Variants in OSBPL6 observed in about 807,000 individuals in gnomAD.
OSBPL6 encodes oxysterol binding protein like 6, also known as oxysterol-binding protein-related protein 6.
Under a neutral mutation model 125.8 loss-of-function variants are expected in OSBPL6, and 49 were observed. That is an observed-to-expected ratio of 0.39 (90% confidence interval 0.31 to 0.49). OSBPL6 has a LOEUF of 0.49. OSBPL6 is among the 20% of genes least tolerant of loss of function. The pLI is 0.88. For synonymous variants in OSBPL6, 394 were observed against 391.8 expected (o/e 1.01, Z -0.07); for missense variants, 986 against 1,135.4 (o/e 0.87, Z 1.89).
intron 1 of OSBPL6, among the ~76,000 whole-genome samples, chr2:178,240,339 G>A (rs1295258529): frequency 6.6e-6 from 1 of 152,166 alleles, no homozygotes; most frequent in Non-Finnish European, 1.5e-5. Flanking sequence ...GGCTGAGGCA[G>A]GTGGATTACT....
intron 1 of OSBPL6, among the ~76,000 whole-genome samples, chr2:178,207,470 A>G (rs543005630): frequency 1.3e-5 from 2 of 152,320 alleles, no homozygotes; most frequent in South Asian, 4.1e-4. Flanking sequence ...CATATATGGT[A>G]AAATATTCTC....
chr2:178,355,009 G>T (rs1242977554), intron 12 of OSBPL6, among the ~76,000 whole-genome samples: 3 of 152,108 alleles, frequency 2.0e-5, no homozygotes, highest in African/African-American at 7.2e-5. Context: ...CGAAATGAAG[G>T]CAGAAATAAA....
intron 15 of OSBPL6, among the ~76,000 whole-genome samples, chr2:178,380,619 A>G (rs1413914505): frequency 1.3e-5 from 2 of 152,120 alleles, no homozygotes; most frequent in Non-Finnish European, 2.9e-5. Flanking sequence ...TCAGGAGAGC[A>G]ATTTGGCAAC....
intron 21 of OSBPL6, among the ~76,000 whole-genome samples, chr2:178,390,410 C>A (rs900761821): frequency 1.3e-5 from 2 of 152,218 alleles, no homozygotes; most frequent in Non-Finnish European, 2.9e-5. Context: ...GTTCACACCC[C>A]CACAAACAAC....
chr2:178,345,238 C>G (rs1468245695), intron 11 of OSBPL6, among the ~76,000 whole-genome samples: 1 of 152,116 alleles, frequency 6.6e-6, no homozygotes, highest in Non-Finnish European at 1.5e-5. Flanking sequence ...GATAATATTT[C>G]CTTAATTAAC....
intron 5 of OSBPL6, among the ~76,000 whole-genome samples, chr2:178,331,005 T>A (rs1289151889): frequency 6.6e-6 from 1 of 152,194 alleles, no homozygotes; most frequent in African/African-American, 2.4e-5. Context: ...AATGCAAACA[T>A]TTGCTAACTA....
intron 18 of OSBPL6, among the ~76,000 whole-genome samples, chr2:178,384,594 G>C (rs1426973577): frequency 2.0e-5 from 3 of 152,206 alleles, no homozygotes; most frequent in Admixed American, 2.0e-4. Context: ...ATTTACATGT[G>C]AGAGGGTGGT....
intron 1 of OSBPL6, among the ~76,000 whole-genome samples, chr2:178,205,463 G>C (rs568190730): frequency 6.6e-6 from 1 of 152,294 alleles, no homozygotes; most frequent in Admixed American, 6.5e-5. Context: ...ATAAGTTCTG[G>C]ATCTCTAATA....
chr2:178,292,979 G>T (rs533541687), intron 2 of OSBPL6, among the ~76,000 whole-genome samples: 1 of 140,054 alleles, frequency 7.1e-6, no homozygotes, highest in African/African-American at 2.6e-5. Context: ...TGCAGTTTTG[G>T]CATTTGAATT....
chr2:178,250,345 T>G (rs2091648590), intron 1 of OSBPL6, among the ~76,000 whole-genome samples: 1 of 152,198 alleles, frequency 6.6e-6, no homozygotes, highest in Non-Finnish European at 1.5e-5. Context: ...TTGGATAATG[T>G]CACTGTTCTC....
At position 178,320,547 on chromosome 2, in the gene OSBPL6, C is replaced by CATA. The variant is rs113061096; in HGVS notation, c.103-3627_103-3625dup. ...CATAACCCTTTATTTAACTTGCTTA[C>CATA]ATAATGTGTGTAACACCTTGAAAGT... On this transcript the variant is annotated intron_variant, in intron 3 of 24. Coordinates refer to ENST00000190611, the MANE Select transcript of OSBPL6 (RefSeq NM_032523.4). The CATA allele has an allele frequency of 1.4e-4, 113 of 812,152 alleles. No homozygotes were observed. The African/African-American group carries it at 1.7e-3, about 12-fold the overall frequency. 50.3% of individuals were successfully genotyped at this position (812,152 alleles called of 1,614,324 possible). A position where few individuals can be genotyped will look rare whatever the true frequency, so the allele number is the denominator to read the frequency against.
At chr2:178,239,273 A>C (rs943083738) in intron 1 of OSBPL6, among the ~76,000 whole-genome samples, 4 of 152,198 alleles carry the variant, frequency 2.6e-5, no homozygotes, top group Admixed American at 2.6e-4. Flanking sequence ...GGAAGATGAA[A>C]ATAATATTTA....
chr2:178,308,552 T>G (rs73032523), intron 3 of OSBPL6, among the ~76,000 whole-genome samples: 26,801 of 152,218 alleles, frequency 0.18, 2,552 homozygotes, highest in Admixed American at 0.24. Context: ...TATTTGCCTT[T>G]CCTTCTCAAG....
chr2:178,328,025 TGA>T (rs1209106318), intron 4 of OSBPL6, among the ~76,000 whole-genome samples: 2 of 152,224 alleles, frequency 1.3e-5, no homozygotes, highest in Non-Finnish European at 2.9e-5. Flanking sequence ...GTGGCTCCAC[TGA>T]GTCTCTGATG....
At chr2:178,260,587 G>A (rs113294370) in intron 1 of OSBPL6, among the ~76,000 whole-genome samples, 1 of 152,112 alleles carries the variant, frequency 6.6e-6, no homozygotes, top group African/African-American at 2.4e-5. Flanking sequence ...GGCACAAGGG[G>A]TGGTGATTAC....
chr2:178,236,235 T>C (rs562868313), intron 1 of OSBPL6, among the ~76,000 whole-genome samples: 1 of 152,210 alleles, frequency 6.6e-6, no homozygotes. Flanking sequence ...GAAAAAAAAA[T>C]TATAAGTTTA....
intron 1 of OSBPL6, among the ~76,000 whole-genome samples, chr2:178,227,025 A>T (rs1047959416): frequency 6.6e-6 from 1 of 152,218 alleles, no homozygotes; most frequent in African/African-American, 2.4e-5. Flanking sequence ...CATTTTTGAA[A>T]CTGGGTGATG....
intron 15 of OSBPL6, among the ~76,000 whole-genome samples, chr2:178,382,109 C>T (rs920851684): frequency 1.3e-5 from 2 of 152,142 alleles, no homozygotes; most frequent in Admixed American, 6.5e-5. Flanking sequence ...ATGGCAAAAA[C>T]GCAAGTACTC....
At position 178,224,293 on chromosome 2, in the gene OSBPL6, C is replaced by CT. The variant is rs750233901; in HGVS notation, c.-351+29620dup. ...AGCAAATGATTTGTGAATAAGAAAACTGTCTATTGCAGAGTGAGCAGAAGT... is the reference window on the plus strand; with the variant it reads ...AGCAAATGATTTGTGAATAAGAAAACTTGTCTATTGCAGAGTGAGCAGAAGT... On this transcript the variant is annotated intron_variant, in intron 1 of 24. Coordinates refer to ENST00000190611, the MANE Select transcript of OSBPL6 (RefSeq NM_032523.4). 5.3e-5 allele frequency among the ~76,000 whole-genome samples: 8 copies of CT among 152,034 alleles called. No individual in the cohort carries two copies. In the East Asian group the frequency reaches 1.5e-3, roughly 29 times the overall value.
Sources: gnomAD v4.1 joint callset for allele counts (sites outside exome capture counted in the v4.1 genomes callset) on GRCh38, gnomAD v4.1.1 for gene constraint, MANE v1.5 for transcripts, NCBI Gene and HGNC (gene_info 2026-07-23, HGNC 2026-07-21) for gene names.